CHRNA2: variants seen among roughly 807,000 people sequenced by gnomAD.
CHRNA2 encodes cholinergic receptor nicotinic alpha 2 subunit, also known as neuronal acetylcholine receptor subunit alpha-2.
A neutral mutation model predicts 45.5 loss-of-function variants in CHRNA2; 40 were observed. The observed-to-expected ratio is 0.88, with a 90% CI of 0.68 to 1.15. The LOEUF is 1.15. CHRNA2 is among the 50% of genes most tolerant of loss of function. CHRNA2 has a pLI of 0.00. For missense variants in CHRNA2, 655 were observed against 701.7 expected (o/e 0.93, Z 0.75); for synonymous variants, 301 against 296.7 (o/e 1.01, Z -0.15).
chr8:27,478,368 G>A (rs1314775979), intron 1 of CHRNA2, among the ~76,000 whole-genome samples: 2 of 152,224 alleles, frequency 1.3e-5, no homozygotes, highest in African/African-American at 4.8e-5. Flanking sequence ...ACCAGCTGAT[G>A]GAGGAATCCA....
chr8:27,470,243 C>A (rs1418495576), intron 2 of CHRNA2, among the ~76,000 whole-genome samples: 5 of 152,048 alleles, frequency 3.3e-5, no homozygotes, highest in Non-Finnish European at 7.4e-5. Flanking sequence ...AGAGGGGAAA[C>A]GAATCTAGAG....
chr8:27,470,994 G>T lies in CHRNA2; in HGVS notation c.65C>A (p.Thr22Asn), dbSNP rs2472553. The T allele has an allele frequency of 6.2e-7, 1 of 1,613,392 alleles. No individual in the cohort carries two copies. The highest frequency in any genetic ancestry group is 8.5e-7 in the Non-Finnish European group (1 of 1,179,568). Residue 22 changes from threonine (T) to asparagine (N), a missense_variant, in exon 2 of 7, where the codon ACC becomes AAC. Coordinates refer to ENST00000407991, the MANE Select transcript of CHRNA2 (RefSeq NM_000742.4). Reference sequence around the variant, plus strand: ...AGGTGACAAACACTCACCTGCTGGGGTCAGAAGGAGCCACCACAGGCTGAG... The same window carrying T: ...AGGTGACAAACACTCACCTGCTGGGTTCAGAAGGAGCCACCACAGGCTGAG... The part of the protein sequence containing the change: ...TKLSLWWLLL[T>N]PAGGEEAKRP...
chr8:27,464,145 G>C (rs892271820), intron 5 of CHRNA2, 152 bp from the exon 6 acceptor site: 28 of 807,632 alleles, frequency 3.5e-5, no homozygotes, highest in Non-Finnish European at 5.8e-5. Context: ...AGTCTCCCCC[G>C]GCATGCACAT....
In CHRNA2 at chr8:27,463,075, C is replaced by T. The variant is rs370957296; in HGVS notation, c.1368G>A (p.Gln456=). The change falls in exon 6 of 7, where the codon CAG becomes CAA. Residue 456 remains glutamine (Q), a synonymous_variant. Transcript: ENST00000407991. This position sits in a 1 kb window ranked among gnomAD's most constrained non-coding sequence, Gnocchi z 6.1. The stretch of plus-strand genomic sequence containing the variant: ...GGGGTGATAGCAGCAGCTCACCCTC[C>T]TGCAGCAGAGCCTCAGCCTTGGGAC... ...ASGPKAEALL[Q]EGELLLSPHM... The T allele has an allele frequency of 1.9e-6, 3 of 1,612,856 alleles. No homozygotes were observed. The African/African-American group carries it at 4.0e-5, about 22-fold the overall frequency.
chr8:27,472,702 G>C (rs1812927461), intron 1 of CHRNA2, among the ~76,000 whole-genome samples: 1 of 152,102 alleles, frequency 6.6e-6, no homozygotes, highest in Admixed American at 6.5e-5. Flanking sequence ...CCCTTAGAGG[G>C]GATAAGAGAT....
intron 6 of CHRNA2, 102 bp downstream of exon 6, chr8:27,462,877 G>GAGAGGGGC: frequency 1.4e-6 from 2 of 1,436,198 alleles, no homozygotes; most frequent in Non-Finnish European, 2.0e-6. Context: ...GGGCCTTCAC[G>GAGAGGGGC]AGAGGGGCCT....
intron 4 of CHRNA2, 137 bp from the exon 5 acceptor site, chr8:27,467,475 T>C (rs1037809461): frequency 1.5e-5 from 10 of 665,458 alleles, no homozygotes; most frequent in African/African-American, 7.2e-5. Flanking sequence ...CAGCCCAGAA[T>C]AGTGGAGGGA....
At chr8:27,466,784 C>T (rs2132660257) in intron 5 of CHRNA2, among the ~76,000 whole-genome samples, 1 of 152,234 alleles carries the variant, frequency 6.6e-6, no homozygotes, top group East Asian at 1.9e-4. Context: ...CCTTTTTAGT[C>T]TTGAAGACAA....
At chr8:27,461,902 G>A (rs1044276848) in intron 6 of CHRNA2, 148 bp from the exon 7 acceptor site, 100 of 1,095,218 alleles carry the variant, frequency 9.1e-5, no homozygotes, top group Non-Finnish European at 1.3e-4. Flanking sequence ...CACAGGGAGC[G>A]GGGTGAGTGG....
intron 1 of CHRNA2, among the ~76,000 whole-genome samples, chr8:27,473,524 A>ACGCC (rs1554516118): frequency 9.9e-6 from 1 of 100,600 alleles, no homozygotes; most frequent in African/African-American, 3.9e-5. Context: ...ACATAGTGAG[A>ACGCC]CCCCCCCCGC....
rs538453326 is a variant in CHRNA2 at position 27,469,955 on chromosome 8, G to C, written c.100C>G (p.Pro34Ala). 1.9e-6 allele frequency: 3 copies of C among 1,613,932 alleles called. No homozygotes were observed. In the East Asian group the frequency reaches 6.7e-5, roughly 36 times the overall value. ...GAGAGTGGGTCTCCAGGAGCCCTGG[G>C]AGGTGGGCGCTTAGCTTCCTCTCCA... ...AGGEEAKRPPPRAPGDPLSSP... is the reference protein window; with the variant it reads ...AGGEEAKRPPARAPGDPLSSP... Residue 34 changes from proline to alanine, a missense_variant, in exon 3 of 7, where the codon CCC (proline) becomes GCC (alanine). By Grantham distance (27) the Pro-to-Ala change is conservative. Transcript: ENST00000407991.
At chr8:27,464,140 C>T (rs1307828579) in intron 5 of CHRNA2, 147 bp from the exon 6 acceptor site, 4 of 836,876 alleles carry the variant, frequency 4.8e-6, no homozygotes, top group Non-Finnish European at 7.8e-6. Flanking sequence ...GTGTAAGTCT[C>T]CCCCGGCATG....
rs556685925 is a variant in CHRNA2 at position 27,464,336 on chromosome 8, A to C, written c.450-343T>G. ...ATACATAATCTATCAGTATATGACA[A>C]TCATATATTTGTGATCATGGGGTAT... is the stretch of plus-strand genomic sequence containing the variant. On this transcript the variant is annotated intron_variant, in intron 5 of 6. Coordinates refer to ENST00000407991, the MANE Select transcript of CHRNA2 (RefSeq NM_000742.4). Among the ~76,000 whole-genome samples, 66 of 152,320 alleles carry C rather than the reference A, an allele frequency of 4.3e-4. No individual in the cohort carries two copies. In the South Asian group the frequency reaches 0.013, roughly 31 times the overall value.
rs1812613498 is a variant in CHRNA2 at position 27,463,899 on chromosome 8, A to G, written c.544T>C (p.Ser182Pro). The G allele has an allele frequency of 6.2e-7, 1 of 1,613,978 alleles. No individual in the cohort carries two copies. Among genetic ancestry groups the G allele is most frequent in the South Asian group, 1.1e-5 (1 of 91,078 alleles). ...AAGAAGGTGACGTCGATGCTGCAGG[A>G]GCTCTTGTAGATGGCCGGGGGCACC... ...HWVPPAIYKS[S>P]CSIDVTFFPF... is the part of the protein sequence containing the mutation. The change falls in exon 6 of 7, where the codon TCC becomes CCC. Residue 182 changes from serine (S) to proline (P), a missense_variant. This residue lies in a region of CHRNA2 where 323 missense variants were observed against 354.4 expected (regional missense o/e 0.91). Coordinates refer to ENST00000407991, the MANE Select transcript of CHRNA2 (RefSeq NM_000742.4). The surrounding 1 kb of genome is among the most constrained non-coding windows in gnomAD (Gnocchi z 6.1).
chr8:27,466,499 C>T (rs1812702572), intron 5 of CHRNA2, among the ~76,000 whole-genome samples: 2 of 152,250 alleles, frequency 1.3e-5, no homozygotes, highest in South Asian at 4.2e-4. Context: ...GACCACAGAA[C>T]CCTTTTTCAT....
At chr8:27,473,395 T>G (rs1812951866) in intron 1 of CHRNA2, among the ~76,000 whole-genome samples, 1 of 152,170 alleles carries the variant, frequency 6.6e-6, no homozygotes, top group Admixed American at 6.5e-5. Flanking sequence ...AGGGTAAAAG[T>G]GGCTTTAAAA....
In CHRNA2 at chr8:27,478,869, C is replaced by G. The variant is rs1284226357; in HGVS notation, c.-182G>C. ...AGGTCATTGAAAGGATGCAGAGAAC[C>G]AGCCTGGCTTGGAGATTCTGGGCAG... On this transcript the variant is annotated 5_prime_UTR_variant, in exon 1 of 7. Transcript: ENST00000407991. 1 of 152,234 alleles carries G rather than the reference C, an allele frequency of 6.6e-6. No individual in the cohort carries two copies. The highest frequency in any genetic ancestry group is 1.9e-4 in the East Asian group (1 of 5,200). The allele number at this position is 152,234 out of a possible 1,614,324, so 9.4% of individuals were successfully genotyped here. A position where few individuals can be genotyped will look rare whatever the true frequency, so the allele number is the denominator to read the frequency against.
chr8:27,470,915 A>G, intron 2 of CHRNA2, 71 bp downstream of exon 2: 1 of 1,506,960 alleles, frequency 6.6e-7, no homozygotes, highest in Non-Finnish European at 9.2e-7. Context: ...CCACCTGCAG[A>G]CTCCTTCCTA....
chr8:27,473,532 C>CCCG (rs58855963), intron 1 of CHRNA2, among the ~76,000 whole-genome samples: 1 of 137,552 alleles, frequency 7.3e-6, no homozygotes, highest in African/African-American at 2.7e-5. Flanking sequence ...AGACCCCCCC[C>CCCG]GCCGTCTCTA....
Sources: gnomAD v4.1 joint callset for allele counts (sites outside exome capture counted in the v4.1 genomes callset) on GRCh38, gnomAD v4.1.1 for gene constraint, gnomAD v4.1.1 regional missense constraint, Gnocchi (gnomAD v3.1) non-coding constraint, MANE v1.5 for transcripts, NCBI Gene and HGNC (gene_info 2026-07-23, HGNC 2026-07-21) for gene names.